The following PPFIA1 variants were observed in gnomAD, a reference collection of about 807,000 sequenced individuals.
PPFIA1 encodes the protein PPFI scaffold protein A1.
In PPFIA1, 25 loss-of-function variants were observed where a neutral mutation model predicts 149.9. The observed-to-expected ratio is 0.17, with a 90% CI of 0.12 to 0.23. PPFIA1 has a LOEUF of 0.23. Among genes scored for constraint, PPFIA1 ranks in the 10% least tolerant of loss-of-function variants. PPFIA1 has a pLI of 1.00. For missense variants in PPFIA1, 1,362 were observed against 1,506.5 expected, an observed-to-expected ratio of 0.90 and a Z score of 1.59; for synonymous variants, 549 against 552.8, an observed-to-expected ratio of 0.99 and a Z score of 0.10.
intron 14 of PPFIA1, 28 bp downstream of exon 14, chr11:70,339,334 C>T (rs2055169844): frequency 6.3e-7 from 1 of 1,598,170 alleles, no homozygotes; most frequent in Non-Finnish European, 8.6e-7. Flanking sequence ...AATACCTCTG[C>T]TTACGTGAAA....
At chr11:70,322,000 G>GA (rs1473448893) in intron 2 of PPFIA1, among the ~76,000 whole-genome samples, 1 of 152,196 alleles carries the variant, frequency 6.6e-6, no homozygotes, top group Non-Finnish European at 1.5e-5. Flanking sequence ...GTCCTGAGTA[G>GA]CTGGGATTAC....
chr11:70,316,587 G>A (rs1261308294), intron 2 of PPFIA1, among the ~76,000 whole-genome samples: 1 of 152,202 alleles, frequency 6.6e-6, no homozygotes, highest in Non-Finnish European at 1.5e-5. Context: ...GCACCCACGT[G>A]AGGTTGGGGA....
chr11:70,275,200 A>G (rs534873811), intron 2 of PPFIA1, among the ~76,000 whole-genome samples: 153 of 152,344 alleles, frequency 1.0e-3, no homozygotes, highest in Non-Finnish European at 1.9e-3. Context: ...GGCCAGGAAC[A>G]TGCAGAGGTA....
chr11:70,313,719 A>G (rs1031383311), intron 2 of PPFIA1, among the ~76,000 whole-genome samples: 1 of 152,162 alleles, frequency 6.6e-6, no homozygotes, highest in African/African-American at 2.4e-5. Flanking sequence ...GAAGATGATG[A>G]TGAGCTCAGT....
chr11:70,348,108 G>A lies in PPFIA1; in HGVS notation c.1932-81G>A, dbSNP rs1040088151. Reference sequence around the variant, plus strand: ...TGGAGTTTACTCATAGTAATACAGAGTATAAGCATGGTTTTTCTCATGCAA... The same window carrying A: ...TGGAGTTTACTCATAGTAATACAGAATATAAGCATGGTTTTTCTCATGCAA... On this transcript the variant is annotated intron_variant, in intron 15 of 27. Coordinates refer to ENST00000253925, the MANE Select transcript of PPFIA1 (RefSeq NM_003626.5). 5.0e-6 allele frequency: 6 copies of A among 1,206,826 alleles called. No individual in the cohort carries two copies. In the Admixed American group the frequency reaches 5.5e-5, roughly 11 times the overall value. 74.8% of individuals were successfully genotyped at this position (1,206,826 alleles called of 1,614,324 possible). A position where few individuals can be genotyped will look rare whatever the true frequency, so the allele number is the denominator to read the frequency against.
chr11:70,302,592 T>C, intron 2 of PPFIA1, among the ~76,000 whole-genome samples: 1 of 152,182 alleles, frequency 6.6e-6, no homozygotes, highest in East Asian at 1.9e-4. Flanking sequence ...GTAGGCAATG[T>C]CATGCTTGTT....
chr11:70,362,448 T>C lies in PPFIA1; in HGVS notation c.2825T>C (p.Met942Thr), dbSNP rs749747481. Residue 942 changes from methionine (M) to threonine (T), a missense_variant, in exon 21 of 28, where the codon ATG (methionine) becomes ACG (threonine). This residue lies in a region of PPFIA1 where 349 missense variants were observed against 373.3 expected (regional missense o/e 0.93). Transcript: ENST00000253925. ...CTGAGGCTGGCCATCCAGGAGATCA[T>C]GTCGCTGACCAGCCCGTCTGCCCCG... ...LKLRLAIQEI[M>T]SLTSPSAPPT... 3.1e-6 allele frequency: 5 copies of C among 1,614,044 alleles called. No homozygotes were observed. The highest frequency in any genetic ancestry group is 1.3e-5 in the African/African-American group (1 of 74,938).
chr11:70,376,424 G>A lies in PPFIA1; in HGVS notation c.3316-108G>A, dbSNP rs549883840. The stretch of plus-strand genomic sequence containing the variant: ...TTACAGGCGTGAGCCACCAGACCCA[G>A]CCAGCAGTGAGGGAGTTTAAGTCTT... On this transcript the variant is annotated intron_variant, in intron 24 of 27. Transcript: ENST00000253925. The A allele has an allele frequency of 1.1e-5, 12 of 1,103,408 alleles. No individual in the cohort carries two copies. In the East Asian group the frequency reaches 2.6e-4, roughly 24 times the overall value. 68.4% of individuals were successfully genotyped at this position (1,103,408 alleles called of 1,614,324 possible).
intron 21 of PPFIA1, chr11:70,363,439 G>A (rs988395598): frequency 6.6e-6 from 1 of 152,228 alleles, no homozygotes; most frequent in Non-Finnish European, 1.5e-5. Flanking sequence ...GTAGCATCTT[G>A]AGTAAAATTT....
intron 26 of PPFIA1, among the ~76,000 whole-genome samples, chr11:70,379,697 C>A (rs912848700): frequency 4.0e-5 from 6 of 151,754 alleles, no homozygotes; most frequent in Admixed American, 2.6e-4. Flanking sequence ...TACGTAGGTT[C>A]ATAAATTTTG....
At chr11:70,289,494 A>C (rs2051380137) in intron 2 of PPFIA1, among the ~76,000 whole-genome samples, 1 of 152,212 alleles carries the variant, frequency 6.6e-6, no homozygotes, top group Admixed American at 6.6e-5. Flanking sequence ...TTGTTCTTAC[A>C]AACAACCCTT....
chr11:70,376,625 T>G (rs766281786), intron 25 of PPFIA1, 25 bp downstream of exon 25: 1 of 1,545,414 alleles, frequency 6.5e-7, no homozygotes, highest in Non-Finnish European at 8.9e-7. Flanking sequence ...TAATGTTCTT[T>G]AAATGTCTGA....
At chr11:70,333,880 C>T (rs1438508722) in intron 10 of PPFIA1, among the ~76,000 whole-genome samples, 2 of 152,154 alleles carry the variant, frequency 1.3e-5, no homozygotes, top group African/African-American at 2.4e-5. Flanking sequence ...GCGTGGCCCC[C>T]CTACCCCCTG....
At chr11:70,282,925 C>T (rs2050866355) in intron 2 of PPFIA1, among the ~76,000 whole-genome samples, 1 of 150,494 alleles carries the variant, frequency 6.6e-6, no homozygotes, top group Non-Finnish European at 1.5e-5. Context: ...CTGCAACCTC[C>T]ATGTCCCAGG....
chr11:70,278,293 C>G (rs528867689), intron 2 of PPFIA1, among the ~76,000 whole-genome samples: 1 of 152,034 alleles, frequency 6.6e-6, no homozygotes, highest in East Asian at 1.9e-4. Context: ...GCCTCAGCCT[C>G]CCAAACTGCT....
At chr11:70,299,914 G>A (rs1298777019) in intron 2 of PPFIA1, among the ~76,000 whole-genome samples, 1 of 152,146 alleles carries the variant, frequency 6.6e-6, no homozygotes, top group Non-Finnish European at 1.5e-5. Flanking sequence ...CATCGCTTTG[G>A]GAGGGTTTGT....
In PPFIA1 at chr11:70,339,288, G is replaced by A. The variant is rs565807283; in HGVS notation, c.1689G>A (p.Leu563=). 3.1e-6 allele frequency: 5 copies of A among 1,613,824 alleles called. No homozygotes were observed. In the Admixed American group the frequency reaches 8.3e-5, roughly 27 times the overall value. The change falls in exon 14 of 28, where the codon CTG becomes CTA. Residue 563 remains leucine, a synonymous_variant. Coordinates refer to ENST00000253925, the MANE Select transcript of PPFIA1 (RefSeq NM_003626.5). ...CACAGAAAGGCCGGCTGGCAGCCCT[G>A]CGAGATGAGCCTTCCAAGGCAAGGT... ...RRPQKGRLAA[L]RDEPSKVQTL...
intron 2 of PPFIA1, among the ~76,000 whole-genome samples, chr11:70,300,043 C>T (rs1200820674): frequency 7.3e-6 from 1 of 137,008 alleles, no homozygotes; most frequent in Admixed American, 7.4e-5. Flanking sequence ...CAGCCATGCC[C>T]TCTGCCCCTT....
intron 2 of PPFIA1, among the ~76,000 whole-genome samples, chr11:70,294,422 T>C (rs1227747745): frequency 6.6e-6 from 1 of 152,098 alleles, no homozygotes; most frequent in African/African-American, 2.4e-5. Context: ...CCACGTCCTT[T>C]AGACATGGGA....
Sources: allele counts gnomAD v4.1 joint callset (sites outside exome capture counted in the v4.1 genomes callset), GRCh38; gene constraint gnomAD v4.1.1; regional missense constraint gnomAD v4.1.1; transcripts MANE v1.5; gene names NCBI Gene and HGNC (gene_info 2026-07-23, HGNC 2026-07-21).